The following MGRN1 variants were observed in gnomAD, a reference collection of about 807,000 sequenced individuals.
MGRN1 encodes the protein E3 ubiquitin-protein ligase MGRN1.
Under a neutral mutation model 69.2 loss-of-function variants are expected in MGRN1, and 29 were observed. The observed-to-expected ratio is 0.42, with a 90% CI of 0.31 to 0.57. MGRN1 has a LOEUF of 0.57. Ranked by LOEUF, MGRN1 falls within the 20% of genes least tolerant of loss-of-function variation. The pLI is 0.15. For synonymous variants in MGRN1, 470 were observed against 344.2 expected, an observed-to-expected ratio of 1.37 and a Z score of -4.04; for missense variants, 998 against 796.2, an observed-to-expected ratio of 1.25 and a Z score of -3.05.
At chr16:4,688,630 C>T (rs369030442) in intron 16 of MGRN1, 166 bp from the exon 17 acceptor site, 57 of 1,405,540 alleles carry the variant, frequency 4.1e-5, no homozygotes, top group Admixed American at 8.8e-5. Flanking sequence ...AGGGAGTCCC[C>T]GGGCCCTTGG....
intron 1 of MGRN1, among the ~76,000 whole-genome samples, chr16:4,636,422 A>G (rs1171166058): frequency 6.6e-6 from 1 of 151,964 alleles, no homozygotes; most frequent in Non-Finnish European, 1.5e-5. Context: ...GGGACCTTCC[A>G]GCGTCCCAGT....
intron 14 of MGRN1, 84 bp downstream of exon 14, chr16:4,683,030 A>G: frequency 6.8e-7 from 1 of 1,481,450 alleles, no homozygotes; most frequent in Non-Finnish European, 9.0e-7. Context: ...ACCCCATCCC[A>G]CTGCCCGCCT....
At chr16:4,671,782 G>T (rs1283155665) in intron 9 of MGRN1, among the ~76,000 whole-genome samples, 1 of 152,180 alleles carries the variant, frequency 6.6e-6, no homozygotes, top group African/African-American at 2.4e-5. Context: ...CCCAGAGACA[G>T]CACGTCCCTG....
chr16:4,677,088 C>T (rs1188197471), intron 10 of MGRN1: 1 of 174,918 alleles, frequency 5.7e-6, no homozygotes, highest in Non-Finnish European at 1.2e-5. Flanking sequence ...CTTTGGGGGT[C>T]ATGGCCACCA....
intron 12 of MGRN1, 100 bp from the exon 13 acceptor site, chr16:4,681,450 A>T: frequency 8.6e-7 from 1 of 1,158,404 alleles, no homozygotes; most frequent in East Asian, 2.5e-5. Context: ...GGGAGTCTCA[A>T]TCCCCCAAAG....
rs140226032 is a variant in MGRN1, at chr16:4,651,928, G to C, written c.208-35G>C. On this transcript the variant is annotated intron_variant, in intron 2 of 16. Transcript: ENST00000262370. ...GTTTTCTGTTGTTGGCTGCTCCTGA[G>C]GGAGTCACCTGGGGCCCTGTGGTTT... is the stretch of plus-strand genomic sequence containing the variant. The C allele has an allele frequency of 3.3e-3, 5,232 of 1,599,114 alleles. 28 individuals carry two copies. Among genetic ancestry groups the C allele is most frequent in the Middle Eastern group, 0.025 (151 of 6,040 alleles).
chr16:4,677,223 G>A (rs1167893010), intron 10 of MGRN1: 7 of 393,356 alleles, frequency 1.8e-5, no homozygotes, highest in African/African-American at 4.2e-5. Context: ...TCTTTGGAGC[G>A]CCCCCTCCCT....
Position 4,652,693 on chromosome 16 carries a change from C to G in MGRN1, c.312C>G (p.Ala104=). The G allele has an allele frequency of 6.2e-7, 1 of 1,612,634 alleles. No individual in the cohort carries two copies. The highest frequency in any genetic ancestry group is 8.5e-7 in the Non-Finnish European group (1 of 1,179,366). The change falls in exon 4 of 17, where the codon GCC becomes GCG. Residue 104 remains alanine, a synonymous_variant. Coordinates refer to ENST00000262370, the MANE Select transcript of MGRN1 (RefSeq NM_015246.4). Reference sequence around the variant, plus strand: ...CCTGGGGTAGGTACAAAGACGATGCCGACAGCCCCACCGAGGACGGCGACA... The same window carrying G: ...CCTGGGGTAGGTACAAAGACGATGCGGACAGCCCCACCGAGGACGGCGACA... ...SLRLVRYKDD[A]DSPTEDGDKP...
chr16:4,657,412 T>G, intron 5 of MGRN1, 49 bp downstream of exon 5: 1 of 1,557,170 alleles, frequency 6.4e-7, no homozygotes, highest in Non-Finnish European at 8.9e-7. Context: ...CTGAATTCTC[T>G]CCCCTTGGGG....
At chr16:4,660,329 A>G (rs1253662240) in intron 5 of MGRN1, among the ~76,000 whole-genome samples, 1 of 152,376 alleles carries the variant, frequency 6.6e-6, no homozygotes, top group East Asian at 1.9e-4. Flanking sequence ...ATCAGCATGC[A>G]AAGGGCTTTA....
chr16:4,671,445 A>G lies in MGRN1; in HGVS notation c.781A>G (p.Asn261Asp). Residue 261 changes from asparagine to aspartate, a missense_variant, in exon 9 of 17, where the codon AAC becomes GAC. Coordinates refer to ENST00000262370, the MANE Select transcript of MGRN1 (RefSeq NM_015246.4). ...GATCTATGGCATTGAGAACAAGAACAACCAGGAGACCAAGGTGTGTATCTG... is the reference window on the plus strand; with the variant it reads ...GATCTATGGCATTGAGAACAAGAACGACCAGGAGACCAAGGTGTGTATCTG... ...QEIYGIENKN[N>D]QETKPSDDEN... 6.2e-7 allele frequency: 1 copy of G among 1,614,050 alleles called. No homozygotes were observed. Among genetic ancestry groups the G allele is most frequent in the South Asian group, 1.1e-5 (1 of 91,080 alleles).
intron 5 of MGRN1, among the ~76,000 whole-genome samples, chr16:4,661,218 A>G (rs773132586): frequency 1.3e-5 from 2 of 151,934 alleles, no homozygotes; most frequent in South Asian, 4.2e-4. Flanking sequence ...GGCTCCAGCA[A>G]TCCTCGTACC....
At chr16:4,681,941 C>T (rs1340246469) in intron 13 of MGRN1, among the ~76,000 whole-genome samples, 165 bp downstream of exon 13, 4 of 152,232 alleles carry the variant, frequency 2.6e-5, no homozygotes, top group African/African-American at 9.6e-5. Context: ...AAGTTTATTA[C>T]GGCAAAGAAC....
intron 5 of MGRN1, 149 bp downstream of exon 5, chr16:4,657,512 A>T: frequency 1.3e-6 from 1 of 781,550 alleles, no homozygotes; most frequent in Non-Finnish European, 2.1e-6. Flanking sequence ...GCTCAGGTGG[A>T]CGTGTGGATG....
At chr16:4,674,626 CTTTTTTT>C (rs71139654) in intron 10 of MGRN1, among the ~76,000 whole-genome samples, 7 of 47,254 alleles carry the variant, frequency 1.5e-4, no homozygotes, top group Non-Finnish European at 1.8e-4. Flanking sequence ...CTTTTCTTTT[CTTTTTTT>C]TTTTTTTTTT....
chr16:4,666,474 C>T (rs1009874287), intron 7 of MGRN1, among the ~76,000 whole-genome samples: 8 of 152,176 alleles, frequency 5.3e-5, no homozygotes, highest in Non-Finnish European at 8.8e-5. Flanking sequence ...TGAGGGAGAA[C>T]ATTGTAGACT....
intron 11 of MGRN1, 35 bp from the exon 12 acceptor site, chr16:4,679,997 G>A: frequency 1.2e-6 from 2 of 1,603,332 alleles, no homozygotes; most frequent in Non-Finnish European, 1.7e-6. Context: ...GCGTGGGGGT[G>A]GTAGTTGTAA....
chr16:4,657,327 C>A lies in MGRN1; in HGVS notation c.525C>A (p.Ser175=), dbSNP rs1227592692. 2.5e-6 allele frequency: 4 copies of A among 1,614,028 alleles called. No individual in the cohort carries two copies. The African/African-American group carries it at 4.0e-5, about 16-fold the overall frequency. The change falls in exon 5 of 17, where the codon TCC becomes TCA. Residue 175 remains serine, a synonymous_variant. Transcript: ENST00000262370. The stretch of plus-strand genomic sequence containing the variant: ...TGAGCCAGCAGTTCTCCCTGCCCTC[C>A]TTCAAGATTGACTTCTCGGAATGGA... The part of the protein sequence containing the change: ...RGVSQQFSLP[S]FKIDFSEWKD...
intron 5 of MGRN1, chr16:4,664,345 C>G (rs142698484): frequency 1.6e-5 from 5 of 314,896 alleles, no homozygotes; most frequent in South Asian, 3.9e-5. Flanking sequence ...TGGTGGCTGC[C>G]GGGGGCTGGA....
Sources: gnomAD v4.1 joint callset for allele counts (sites outside exome capture counted in the v4.1 genomes callset) on GRCh38, gnomAD v4.1.1 for gene constraint, MANE v1.5 for transcripts, NCBI Gene and HGNC (gene_info 2026-07-23, HGNC 2026-07-21) for gene names.